PTPRM: variants seen among roughly 807,000 people sequenced by gnomAD.
The protein encoded by PTPRM is protein tyrosine phosphatase receptor type M, also known as receptor-type tyrosine-protein phosphatase mu.
A neutral mutation model predicts 186.7 loss-of-function variants in PTPRM; 47 were observed. The observed-to-expected ratio is 0.25, with a 90% CI of 0.20 to 0.32. The LOEUF (loss-of-function observed/expected upper bound fraction) is 0.32, where lower values mean the gene tolerates loss of function less well. Among genes scored for constraint, PTPRM ranks in the 10% least tolerant of loss-of-function variants. The pLI, the probability that PTPRM is intolerant of heterozygous loss-of-function variation, is 1.00. For synonymous variants in PTPRM, 668 were observed against 674.9 expected (o/e 0.99, Z 0.16); for missense variants, 1,494 against 1,865.0 (o/e 0.80, Z 3.66).
intron 1 of PTPRM, among the ~76,000 whole-genome samples, chr18:7,761,922 A>C (rs544477645): frequency 6.6e-6 from 1 of 152,312 alleles, no homozygotes; most frequent in Non-Finnish European, 1.5e-5. Flanking sequence ...AATGGAGTCC[A>C]TTAGATGTTT....
In PTPRM at chr18:7,818,217, C is replaced by T. The variant is rs541294017; in HGVS notation, c.196+43946C>T. Among the ~76,000 whole-genome samples the T allele has an allele frequency of 6.3e-4, 96 of 152,152 alleles. 1 individual carries two copies. The highest frequency in any genetic ancestry group is 1.1e-3 in the Non-Finnish European group (77 of 67,994). Reference sequence around the variant, plus strand: ...TCTACTAATTTAGTTTTTTTTCCGACGAGTCTTGTATTGGAAAGTAGCTTA... The same window carrying T: ...TCTACTAATTTAGTTTTTTTTCCGATGAGTCTTGTATTGGAAAGTAGCTTA... On this transcript the variant is annotated intron_variant, in intron 2 of 32. Coordinates refer to ENST00000580170, the MANE Select transcript of PTPRM (RefSeq NM_001105244.2).
intron 20 of PTPRM, among the ~76,000 whole-genome samples, chr18:8,312,844 C>T (rs1201728971): frequency 6.6e-6 from 1 of 152,138 alleles, no homozygotes; most frequent in African/African-American, 2.4e-5. Context: ...AAACTTATTG[C>T]ACCCCAACTA....
chr18:7,681,203 A>C (rs1012601918), intron 1 of PTPRM, among the ~76,000 whole-genome samples: 1 of 152,034 alleles, frequency 6.6e-6, no homozygotes, highest in Admixed American at 6.6e-5. Flanking sequence ...CCTGAATAAT[A>C]ATAATAATAA....
In PTPRM at chr18:7,661,724, G is replaced by A. The variant is rs185069697; in HGVS notation, c.73+93833G>A. ...TGCCACATGCAAAATGATTTGCACT[G>A]CCAGAATATAATACTTCCAATAGAC... On this transcript the variant is annotated intron_variant, in intron 1 of 32. Transcript: ENST00000580170. Among the ~76,000 whole-genome samples the A allele has an allele frequency of 1.9e-3, 291 of 152,280 alleles. 1 individual carries two copies. The highest frequency in any genetic ancestry group is 6.7e-3 in the African/African-American group (279 of 41,548).
intron 1 of PTPRM, among the ~76,000 whole-genome samples, chr18:7,696,581 G>C (rs527848079): frequency 1.1e-4 from 17 of 152,330 alleles, no homozygotes; most frequent in African/African-American, 3.8e-4. Context: ...CTGAGTATCA[G>C]TACAGGACTT....
intron 2 of PTPRM, among the ~76,000 whole-genome samples, chr18:7,872,297 A>C (rs940230211): frequency 1.3e-5 from 2 of 152,310 alleles, no homozygotes; most frequent in East Asian, 3.9e-4. Context: ...ATTGTAACTC[A>C]AGATATCCCA....
At chr18:8,179,387 A>G (rs776789369) in intron 14 of PTPRM, among the ~76,000 whole-genome samples, 8 of 151,490 alleles carry the variant, frequency 5.3e-5, no homozygotes, top group African/African-American at 1.9e-4. Flanking sequence ...CAGTCCATAC[A>G]TTTAACTCCT....
intron 1 of PTPRM, among the ~76,000 whole-genome samples, chr18:7,756,831 GACA>G (rs2041516564): frequency 6.6e-6 from 1 of 152,130 alleles, no homozygotes; most frequent in Non-Finnish European, 1.5e-5. Flanking sequence ...GTAAAGGGGG[GACA>G]ACGTTTTTGC....
intron 24 of PTPRM, among the ~76,000 whole-genome samples, chr18:8,373,424 A>C (rs1231205611): frequency 3.9e-5 from 6 of 152,214 alleles, no homozygotes; most frequent in Non-Finnish European, 8.8e-5. Context: ...TTCCAAGCTA[A>C]ACAGATTTTA....
chr18:7,772,365 T>TTCTTTCTTTC (rs1555673352), intron 1 of PTPRM, among the ~76,000 whole-genome samples: 8 of 71,054 alleles, frequency 1.1e-4, no homozygotes, highest in African/African-American at 3.3e-4. Flanking sequence ...CTTTCTTTCT[T>TTCTTTCTTTC]TCTTTCTTTC....
chr18:7,580,155 A>G (rs768506668), intron 1 of PTPRM, among the ~76,000 whole-genome samples: 1 of 152,222 alleles, frequency 6.6e-6, no homozygotes, highest in Non-Finnish European at 1.5e-5. Context: ...CTTAAAGAGT[A>G]TGAGGATTGT....
chr18:7,726,693 A>G (rs1456962450), intron 1 of PTPRM, among the ~76,000 whole-genome samples: 2 of 152,166 alleles, frequency 1.3e-5, no homozygotes, highest in African/African-American at 2.4e-5. Context: ...TTGATGTACC[A>G]TTGTGCCTTA....
intron 13 of PTPRM, among the ~76,000 whole-genome samples, chr18:8,131,508 C>A (rs1452738806): frequency 2.0e-5 from 3 of 152,206 alleles, no homozygotes; most frequent in Non-Finnish European, 2.9e-5. Context: ...CCCTGCCACC[C>A]AGCACACTGA....
intron 1 of PTPRM, among the ~76,000 whole-genome samples, chr18:7,766,857 A>G (rs762823729): frequency 2.0e-5 from 3 of 152,234 alleles, no homozygotes; most frequent in Non-Finnish European, 4.4e-5. Context: ...GATAACTAGT[A>G]CAGGGAATAT....
intron 1 of PTPRM, among the ~76,000 whole-genome samples, chr18:7,614,480 G>A (rs931514193): frequency 2.0e-5 from 3 of 152,212 alleles, no homozygotes; most frequent in Non-Finnish European, 2.9e-5. Flanking sequence ...CTTCTTGCAA[G>A]CTTAGAAGTA....
At chr18:8,386,582 T>C (rs1210877231) in intron 30 of PTPRM, among the ~76,000 whole-genome samples, 1 of 152,230 alleles carries the variant, frequency 6.6e-6, no homozygotes. Context: ...TCTGCAATTC[T>C]ATTTCACTAT....
intron 7 of PTPRM, among the ~76,000 whole-genome samples, chr18:7,961,206 C>G (rs542033902): frequency 6.6e-6 from 1 of 152,172 alleles, no homozygotes; most frequent in Admixed American, 6.5e-5. Context: ...ATTGTGCTAT[C>G]AAATACTAGT....
chr18:7,896,486 T>C (rs1467977716), intron 3 of PTPRM, among the ~76,000 whole-genome samples: 1 of 152,026 alleles, frequency 6.6e-6, no homozygotes, highest in Non-Finnish European at 1.5e-5. Context: ...CAGTGATCTT[T>C]GATATAAATG....
intron 2 of PTPRM, among the ~76,000 whole-genome samples, chr18:7,844,356 C>A (rs777577065): frequency 1.3e-5 from 2 of 152,166 alleles, no homozygotes; most frequent in Non-Finnish European, 2.9e-5. Context: ...TCTAGGATCT[C>A]AGCCCTTAAA....
Sources: allele counts gnomAD v4.1 joint callset (sites outside exome capture counted in the v4.1 genomes callset), GRCh38; gene constraint gnomAD v4.1.1; transcripts MANE v1.5; gene names NCBI Gene and HGNC (gene_info 2026-07-23, HGNC 2026-07-21).